Variants in NKAIN2 observed in about 807,000 individuals in gnomAD.
The protein encoded by NKAIN2 is sodium/potassium-transporting ATPase subunit beta-1-interacting protein 2.
In NKAIN2, 14 loss-of-function variants were observed where a neutral mutation model predicts 32.6. The observed-to-expected ratio is 0.43, with a 90% confidence interval of 0.28 to 0.67. NKAIN2 has a LOEUF of 0.67. NKAIN2 is among the 30% of genes least tolerant of loss of function. The pLI is 0.17. For missense variants in NKAIN2, 198 were observed against 258.3 expected (o/e 0.77, Z 1.60); for synonymous variants, 80 against 87.2 (o/e 0.92, Z 0.46).
chr6:124,244,505 A>G (rs1450028782), intron 1 of NKAIN2, among the ~76,000 whole-genome samples: 1 of 151,960 alleles, frequency 6.6e-6, no homozygotes, highest in Non-Finnish European at 1.5e-5. Context: ...GGCTTGTCAA[A>G]CAGCTTAAGT....
intron 1 of NKAIN2, among the ~76,000 whole-genome samples, chr6:124,141,034 G>A (rs1477005360): frequency 2.0e-5 from 3 of 152,180 alleles, no homozygotes; most frequent in Non-Finnish European, 4.4e-5. Context: ...AACTTGTAAT[G>A]ATTACTACCA....
chr6:124,292,906 T>C (rs1294864941), intron 2 of NKAIN2, among the ~76,000 whole-genome samples: 2 of 152,090 alleles, frequency 1.3e-5, no homozygotes, highest in African/African-American at 2.4e-5. Context: ...ATGACACTTA[T>C]TTATTTATTA....
Position 124,720,224 on chromosome 6 carries a change from C to G in NKAIN2, c.474+61838C>G, listed in dbSNP as rs377529654. On this transcript the variant is annotated intron_variant, in intron 4 of 6. Transcript: ENST00000368417. ...AAAGACCATATGTCAGACACTTCTA[C>G]AGTCATAGATGGGAAGAGAGTGTAG... Among the ~76,000 whole-genome samples the G allele has an allele frequency of 1.5e-3, 224 of 152,290 alleles. 1 individual carries two copies. The Middle Eastern group carries it at 0.017, about 12-fold the overall frequency.
At chr6:124,684,998 G>T (rs2114515310) in intron 4 of NKAIN2, among the ~76,000 whole-genome samples, 1 of 152,206 alleles carries the variant, frequency 6.6e-6, no homozygotes, top group East Asian at 1.9e-4. Context: ...TATTGATAAA[G>T]TCTTCCCTGA....
chr6:124,139,952 C>A (rs1254385309), intron 1 of NKAIN2, among the ~76,000 whole-genome samples: 1 of 152,104 alleles, frequency 6.6e-6, no homozygotes, highest in Non-Finnish European at 1.5e-5. Context: ...GACACTTATG[C>A]ACAGATGTTA....
intron 6 of NKAIN2, among the ~76,000 whole-genome samples, chr6:124,821,884 A>C (rs1781408904): frequency 6.6e-6 from 1 of 152,224 alleles, no homozygotes. Context: ...TCAACCCAAT[A>C]AAAGGAAAAC....
chr6:124,149,473 C>A (rs2114382176), intron 1 of NKAIN2, among the ~76,000 whole-genome samples: 1 of 152,220 alleles, frequency 6.6e-6, no homozygotes, highest in Admixed American at 6.5e-5. Flanking sequence ...GGTGAGAGGT[C>A]CTGGTCTAAC....
intron 3 of NKAIN2, among the ~76,000 whole-genome samples, chr6:124,403,424 A>G (rs181932556): frequency 6.6e-6 from 1 of 152,214 alleles, no homozygotes; most frequent in Admixed American, 6.5e-5. Context: ...TTCCCTCCCC[A>G]GTTCCAGTAG....
intron 1 of NKAIN2, among the ~76,000 whole-genome samples, chr6:123,894,535 A>C (rs1305459063): frequency 2.0e-5 from 3 of 152,156 alleles, no homozygotes; most frequent in African/African-American, 4.8e-5. Flanking sequence ...GAAGCATTCA[A>C]GGAAGGAGAT....
chr6:124,198,186 GTT>G (rs1790415836), intron 1 of NKAIN2, among the ~76,000 whole-genome samples: 1 of 152,024 alleles, frequency 6.6e-6, no homozygotes, highest in Non-Finnish European at 1.5e-5. Flanking sequence ...ATAATGGAGA[GTT>G]TTCTTAGTAT....
intron 1 of NKAIN2, among the ~76,000 whole-genome samples, chr6:123,941,258 G>T (rs1233139054): frequency 6.6e-6 from 1 of 151,510 alleles, no homozygotes; most frequent in Non-Finnish European, 1.5e-5. Flanking sequence ...ACTGCTTGAT[G>T]CTGTTTTATA....
intron 4 of NKAIN2, among the ~76,000 whole-genome samples, chr6:124,769,760 G>A (rs1257373583): frequency 6.6e-6 from 1 of 152,120 alleles, no homozygotes; most frequent in Non-Finnish European, 1.5e-5. Flanking sequence ...TGATTGATGG[G>A]TTCACCTGGC....
At chr6:123,976,348 C>CATATATATATATTTTCCCATAT (rs1562287573) in intron 1 of NKAIN2, among the ~76,000 whole-genome samples, 1 of 13,734 alleles carries the variant, frequency 7.3e-5, no homozygotes, top group Non-Finnish European at 1.5e-4. Flanking sequence ...TATATGTTCC[C>CATATATATATATTTTCCCATAT]ATATATATAT....
chr6:124,471,300 A>T (rs1776964312), intron 3 of NKAIN2, among the ~76,000 whole-genome samples: 1 of 152,154 alleles, frequency 6.6e-6, no homozygotes, highest in African/African-American at 2.4e-5. Context: ...AAAAATTTTT[A>T]AATATGATAT....
chr6:124,528,149 G>A (rs1007607201), intron 3 of NKAIN2, among the ~76,000 whole-genome samples: 1 of 152,176 alleles, frequency 6.6e-6, no homozygotes, highest in East Asian at 1.9e-4. Flanking sequence ...CATTTAAGAG[G>A]CTATTAAGGC....
chr6:123,940,907 A>G (rs1776786794), intron 1 of NKAIN2, among the ~76,000 whole-genome samples: 1 of 151,998 alleles, frequency 6.6e-6, no homozygotes, highest in South Asian at 2.1e-4. Flanking sequence ...TTACTTTATA[A>G]AATTTTTCAT....
At chr6:124,487,582 G>A (rs986412975) in intron 3 of NKAIN2, among the ~76,000 whole-genome samples, 6 of 152,048 alleles carry the variant, frequency 3.9e-5, no homozygotes, top group African/African-American at 7.2e-5. Flanking sequence ...CCCATTTTCC[G>A]GCACTCACAG....
chr6:124,487,483 TA>T (rs1777697257), intron 3 of NKAIN2, among the ~76,000 whole-genome samples: 1 of 152,086 alleles, frequency 6.6e-6, no homozygotes, highest in Non-Finnish European at 1.5e-5. Flanking sequence ...CATGCCATTT[TA>T]AAAAGGGATT....
intron 1 of NKAIN2, among the ~76,000 whole-genome samples, chr6:124,183,922 A>G (rs1405744112): frequency 6.6e-6 from 1 of 152,154 alleles, no homozygotes; most frequent in Non-Finnish European, 1.5e-5. Flanking sequence ...AATAGTGATG[A>G]ATAGAGACAT....
Sources: gnomAD v4.1 joint callset for allele counts (sites outside exome capture counted in the v4.1 genomes callset) on GRCh38, gnomAD v4.1.1 for gene constraint, MANE v1.5 for transcripts, NCBI Gene and HGNC (gene_info 2026-07-23, HGNC 2026-07-21) for gene names.